CCNT2: variants seen among roughly 807,000 people sequenced by gnomAD.
The protein encoded by CCNT2 is cyclin T2.
In CCNT2, 18 loss-of-function variants were observed where a neutral mutation model predicts 70.0. The ratio of observed to expected loss-of-function variants is 0.26; its 90% CI spans 0.18 to 0.38. The LOEUF (loss-of-function observed/expected upper bound fraction) is 0.38. Ranked by LOEUF, CCNT2 falls within the 10% of genes least tolerant of loss-of-function variation. CCNT2 has a pLI of 1.00. For synonymous variants in CCNT2, 334 were observed against 313.3 expected (o/e 1.07, Z -0.70); for missense variants, 734 against 890.2 (o/e 0.82, Z 2.23).
At chr2:134,947,420 A>G (rs958156318) in intron 6 of CCNT2, among the ~76,000 whole-genome samples, 10 of 152,344 alleles carry the variant, frequency 6.6e-5, no homozygotes, top group African/African-American at 2.2e-4. Context: ...AGTGTTATCT[A>G]TATAGTGATT....
rs1289844614 is a variant in CCNT2, at chr2:134,959,325, GT to G, written c.*4680del. The G allele has an allele frequency of 2.0e-5, 3 of 152,126 alleles. No individual in the cohort carries two copies. 9.4% of individuals were successfully genotyped at this position (152,126 alleles called of 1,614,324 possible). On this transcript the variant is annotated 3_prime_UTR_variant, in exon 9 of 9. Coordinates refer to ENST00000264157, the MANE Select transcript of CCNT2 (RefSeq NM_058241.3). ...TATCCATACAAGGAACTAATAAAAT[GT>G]TTATTGACAACATAAATCCAAGGCT...
At chr2:134,946,062 G>A (rs762247856) in intron 5 of CCNT2, 39 bp from the exon 6 acceptor site, 15 of 1,610,718 alleles carry the variant, frequency 9.3e-6, no homozygotes, top group Non-Finnish European at 1.3e-5. Context: ...GCACGTTAAG[G>A]CTGATAGTAT....
At position 134,954,065 on chromosome 2, in the gene CCNT2, C is replaced by T; in HGVS notation, c.1610C>T (p.Ser537Phe). 6.2e-7 allele frequency: 1 copy of T among 1,613,880 alleles called. No homozygotes were observed. The change falls in exon 9 of 9, where the codon TCT (serine) becomes TTT (phenylalanine). Residue 537 changes from serine to phenylalanine, a missense_variant. This residue lies in a region of CCNT2 where 532 missense variants were observed against 556.9 expected (regional missense o/e 0.96). Coordinates refer to ENST00000264157, the MANE Select transcript of CCNT2 (RefSeq NM_058241.3). ...IKVSSSERHSSSDEGSGKSKH... is the reference protein window; with the variant it reads ...IKVSSSERHSFSDEGSGKSKH... ...GTTTCTTCTTCAGAAAGACACAGCT[C>T]TTCTGATGAAGGCAGTGGGAAGAGC...
intron 2 of CCNT2, among the ~76,000 whole-genome samples, chr2:134,931,184 G>A (rs1384943182): frequency 6.8e-6 from 1 of 147,516 alleles, no homozygotes; most frequent in Non-Finnish European, 1.5e-5. Flanking sequence ...GGATGGTCTC[G>A]ATCTCCTGAC....
rs1680344234 is a variant in CCNT2 at position 134,926,998 on chromosome 2, A to G, written c.240+7107A>G. ...TATAAGTACATTTAAATGACAGCCT[A>G]TTGTGGTCCCACTGGAAATGAGTGT... On this transcript the variant is annotated intron_variant, in intron 2 of 8. Coordinates refer to ENST00000264157, the MANE Select transcript of CCNT2 (RefSeq NM_058241.3). Among the ~76,000 whole-genome samples, 3 of 152,198 alleles carry G rather than the reference A, an allele frequency of 2.0e-5. 1 individual carries two copies. Among genetic ancestry groups the G allele is most frequent in the Admixed American group, 2.0e-4 (3 of 15,282 alleles).
chr2:134,919,870 T>C lies in CCNT2; in HGVS notation c.219T>C (p.Ser73=), dbSNP rs1349017749. The C allele has an allele frequency of 1.2e-6, 2 of 1,610,818 alleles. No homozygotes were observed. Among genetic ancestry groups the C allele is most frequent in the Non-Finnish European group, 1.7e-6 (2 of 1,178,886 alleles). ...VYMHRFYMHH[S]FTKFNKNIIS... The stretch of plus-strand genomic sequence containing the variant: ...TGCACAGGTTTTATATGCACCATTC[T>C]TTCACCAAATTCAACAAAAATGTAA... The change falls in exon 2 of 9, where the codon TCT becomes TCC. Residue 73 remains serine (S), a synonymous_variant. Coordinates refer to ENST00000264157, the MANE Select transcript of CCNT2 (RefSeq NM_058241.3).
At chr2:134,925,831 C>T (rs79948071) in intron 2 of CCNT2, among the ~76,000 whole-genome samples, 1 of 146,710 alleles carries the variant, frequency 6.8e-6, no homozygotes, top group African/African-American at 2.5e-5. Context: ...CTCTAGATTC[C>T]AATAATATTG....
chr2:134,945,838 A>G (rs985094016), intron 5 of CCNT2: 4 of 1,462,256 alleles, frequency 2.7e-6, no homozygotes, highest in Non-Finnish European at 3.6e-6. Context: ...CTTAGTAACA[A>G]GTTTAGCCCT....
In CCNT2 at chr2:134,953,740, A is replaced by G. The variant is rs1381663935; in HGVS notation, c.1285A>G (p.Ile429Val). 2 of 1,614,138 alleles carry G rather than the reference A, an allele frequency of 1.2e-6. No homozygotes were observed. The highest frequency in any genetic ancestry group is 1.7e-5 in the Admixed American group (1 of 60,018). ...TGGGCCAATTTCCACTACTCCAGGAATAATTCCTCAGAAAATGTCTTTAGA... is the reference window on the plus strand; with the variant it reads ...TGGGCCAATTTCCACTACTCCAGGAGTAATTCCTCAGAAAATGTCTTTAGA... The part of the protein sequence containing the change: ...HHGPISTTPG[I>V]IPQKMSLDKY... Residue 429 changes from isoleucine to valine, a missense_variant, in exon 9 of 9, where the codon ATA becomes GTA. Around this residue, in one of 3 missense-constraint regions of CCNT2, gnomAD observed 532 missense variants for 556.9 expected, o/e 0.96. Transcript: ENST00000264157.
intron 2 of CCNT2, among the ~76,000 whole-genome samples, chr2:134,929,852 T>A (rs970631907): frequency 6.6e-6 from 1 of 151,778 alleles, no homozygotes; most frequent in Non-Finnish European, 1.5e-5. Context: ...GGTTTTACCA[T>A]GTTGGCCAGC....
rs754180483 is a variant in CCNT2, at chr2:134,954,428, A to T, written c.1973A>T (p.His658Leu). 11 of 1,614,038 alleles carry T rather than the reference A, an allele frequency of 6.8e-6. No homozygotes were observed. The East Asian group carries it at 2.5e-4, about 36-fold the overall frequency. ...SSSVKQYISS[H>L]NSVFNHPLPP... ...TCTGTTAAGCAGTATATATCCTCTC[A>T]CAACTCTGTTTTTAACCATCCCTTA... is the stretch of plus-strand genomic sequence containing the variant. Residue 658 changes from histidine (H) to leucine (L), a missense_variant, in exon 9 of 9, where the codon CAC (histidine) becomes CTC (leucine). Coordinates refer to ENST00000264157, the MANE Select transcript of CCNT2 (RefSeq NM_058241.3).
intron 5 of CCNT2, chr2:134,943,745 A>G (rs1340875472): frequency 1.0e-6 from 1 of 984,788 alleles, no homozygotes; most frequent in African/African-American, 1.8e-5. Flanking sequence ...TCTTACTTCC[A>G]CTTTCCTGTT....
At chr2:134,932,370 G>A (rs568668120) in intron 2 of CCNT2, among the ~76,000 whole-genome samples, 5 of 151,944 alleles carry the variant, frequency 3.3e-5, no homozygotes, top group Admixed American at 1.3e-4. Context: ...TTTAAATGCC[G>A]GTTATGTTAA....
chr2:134,943,848 G>A, intron 5 of CCNT2: 1 of 984,984 alleles, frequency 1.0e-6, no homozygotes, highest in South Asian at 4.7e-5. Flanking sequence ...GAATTTTGCA[G>A]TTTCATTCAT....
chr2:134,944,128 T>C lies in CCNT2; in HGVS notation c.493+1454T>C, dbSNP rs908367885. ...TAAGCTAGAACATATTTAACTGTGG[T>C]TCCTGTTCTTCATGGTTATATCAGC... On this transcript the variant is annotated intron_variant, in intron 5 of 8. Transcript: ENST00000264157. 4.1e-6 allele frequency: 4 copies of C among 983,800 alleles called. No individual in the cohort carries two copies. In the African/African-American group the frequency reaches 7.0e-5, roughly 17 times the overall value. The allele number at this position is 983,800 out of a possible 1,614,324, so 60.9% of individuals were successfully genotyped here. A position where few individuals can be genotyped will look rare whatever the true frequency, so the allele number is the denominator to read the frequency against.
chr2:134,922,412 C>T (rs1472867895), intron 2 of CCNT2, among the ~76,000 whole-genome samples: 1 of 152,160 alleles, frequency 6.6e-6, no homozygotes. Context: ...AAGTAATGTG[C>T]TGCTGTATTA....
In CCNT2 at chr2:134,918,882, C is replaced by T. The variant is rs751393482; in HGVS notation, c.28C>T (p.Arg10Cys). 3 of 1,613,692 alleles carry T rather than the reference C, an allele frequency of 1.9e-6. No homozygotes were observed. Among genetic ancestry groups the T allele is most frequent in the African/African-American group, 2.7e-5 (2 of 74,928 alleles). ...GGCGTCGGGCCGTGGAGCTTCTTCT[C>T]GCTGGTTCTTTACTCGGGAACAGCT... MASGRGASS[R>C]WFFTREQLEN... The change falls in exon 1 of 9, where the codon CGC (arginine) becomes TGC (cysteine). Residue 10 changes from arginine to cysteine, a missense_variant. Around this residue, in one of 3 missense-constraint regions of CCNT2, gnomAD observed 41 missense variants for 29.5 expected, o/e 1.39. Transcript: ENST00000264157.
At chr2:134,944,143 G>A (rs1681776905) in intron 5 of CCNT2, 1 of 980,250 alleles carries the variant, frequency 1.0e-6, no homozygotes, top group African/African-American at 1.8e-5. Context: ...GTTCTTCATG[G>A]TTATATCAGC....
chr2:134,945,685 A>T (rs1681905259), intron 5 of CCNT2: 2 of 1,251,634 alleles, frequency 1.6e-6, no homozygotes, highest in Non-Finnish European at 1.0e-6. Flanking sequence ...ATTTAAGCCA[A>T]CTTAAATATG....
Sources: allele counts gnomAD v4.1 joint callset (sites outside exome capture counted in the v4.1 genomes callset), GRCh38; gene constraint gnomAD v4.1.1; regional missense constraint gnomAD v4.1.1; transcripts MANE v1.5; gene names NCBI Gene and HGNC (gene_info 2026-07-23, HGNC 2026-07-21).